The following MED12 variants were observed in gnomAD, a reference collection of about 807,000 sequenced individuals.
MED12 encodes mediator complex subunit 12, also known as mediator of RNA polymerase II transcription subunit 12.
MED12 carries 10 observed loss-of-function variants against 177.7 expected under a neutral mutation model. The ratio of observed to expected loss-of-function variants is 0.06; its 90% CI spans 0.03 to 0.10. The LOEUF is 0.10. Ranked by LOEUF, MED12 falls within the 10% of genes least tolerant of loss-of-function variation. The pLI, the probability that MED12 is intolerant of heterozygous loss-of-function variation, is 1.00. For synonymous variants in MED12, 641 were observed against 678.4 expected, an observed-to-expected ratio of 0.94 and a Z score of 0.86; for missense variants, 867 against 1,780.8, an observed-to-expected ratio of 0.49 and a Z score of 9.23.
intron 31 of MED12, 115 bp downstream of exon 31, chrX:71,132,653 G>T: frequency 4.1e-6 from 4 of 973,093 alleles, no homozygotes; most frequent in Non-Finnish European, 5.7e-6. Flanking sequence ...AAAATCAGAG[G>T]ATAAGAGTGG....
chrX:71,131,125 C>CTTTTTT (rs754896365), intron 28 of MED12, among the ~76,000 whole-genome samples: 34 of 80,242 alleles, frequency 4.2e-4, no homozygotes, highest in African/African-American at 1.5e-3. Context: ...TAAATGTAGT[C>CTTTTTT]TTTTTTTTTT....
chrX:71,122,969 T>C lies in MED12; in HGVS notation c.1485+95T>C, dbSNP rs2092293448. The C allele has an allele frequency of 3.5e-6, 4 of 1,143,148 alleles. No homozygotes were observed. In the Admixed American group the frequency reaches 8.7e-5, roughly 25 times the overall value. 94.2% of individuals were successfully genotyped at this position (1,143,148 alleles called of 1,213,427 possible). On this transcript the variant is annotated intron_variant, in intron 10 of 44. Transcript: ENST00000374080. ...ATGGTGAGGCATTGAAAGCAGAGCA[T>C]ATCTGCAGAAATGATCTTACTGGGC... is the stretch of plus-strand genomic sequence containing the variant.
At chrX:71,137,981 G>C in intron 41 of MED12, 38 bp downstream of exon 41, 1 of 1,167,126 alleles carries the variant, frequency 8.6e-7, no homozygotes, top group Non-Finnish European at 1.2e-6. Flanking sequence ...GAGATGCAGA[G>C]GTATAAGGGA....
chrX:71,119,781 T>C lies in MED12; in HGVS notation c.300T>C (p.Asp100=), dbSNP rs2147773351. Residue 100 remains aspartate, a synonymous_variant, in exon 3 of 45, where the codon GAT becomes GAC. Coordinates refer to ENST00000374080, the MANE Select transcript of MED12 (RefSeq NM_005120.3). Reference sequence around the variant, plus strand: ...GGAAGCCCCAAGTGAACCAGAAGGATAACTTCTGGCTGGTGACTGCACGAT... The same window carrying C: ...GGAAGCCCCAAGTGAACCAGAAGGACAACTTCTGGCTGGTGACTGCACGAT... The part of the protein sequence containing the change: ...GRRKPQVNQK[D]NFWLVTARSQ... 8 of 1,210,365 alleles carry C rather than the reference T, an allele frequency of 6.6e-6. No homozygotes were observed. The highest frequency in any genetic ancestry group is 8.9e-6 in the Non-Finnish European group (8 of 894,401).
At chrX:71,120,615 A>AT (rs375403373) in intron 4 of MED12, among the ~76,000 whole-genome samples, 22,560 of 101,303 alleles carry the variant, frequency 0.22, 2,574 homozygotes, top group Middle Eastern at 0.46. Context: ...AAGTAGAAGG[A>AT]TTTTTTTTTT....
chrX:71,139,753 T>C lies in MED12; in HGVS notation c.6045-882T>C, dbSNP rs758620980. On this transcript the variant is annotated intron_variant, in intron 41 of 44. Transcript: ENST00000374080. ...GTCTCTACTAAAAATACAAAAATTA[T>C]CTGGGTGTGGTGGCATGTGCCTGTA... Among the ~76,000 whole-genome samples, 5 of 110,178 alleles carry C rather than the reference T, an allele frequency of 4.5e-5. No individual in the cohort carries two copies. In the South Asian group the frequency reaches 2.0e-3, roughly 43 times the overall value.
chrX:71,126,044 G>A lies in MED12; in HGVS notation c.2431G>A (p.Asp811Asn). Residue 811 changes from aspartate to asparagine, a missense_variant, in exon 18 of 45, where the codon GAT becomes AAT. By Grantham distance (23) the Asp-to-Asn change is conservative. Coordinates refer to ENST00000374080, the MANE Select transcript of MED12 (RefSeq NM_005120.3). ...TTCAACTGTCCCCTCAGGTGGGGAG[G>A]ATGGGCAGAAGCGGCGACGCAACCG... Reference protein sequence around the residue: ...PGDLTFLGGEDGQKRRRNRPE... With the variant: ...PGDLTFLGGENGQKRRRNRPE... 1 of 1,207,591 alleles carries A rather than the reference G, an allele frequency of 8.3e-7. No homozygotes were observed. Among genetic ancestry groups the A allele is most frequent in the Non-Finnish European group, 1.1e-6 (1 of 892,102 alleles).
intron 1 of MED12, among the ~76,000 whole-genome samples, chrX:71,119,133 C>T (rs1269887787): frequency 2.7e-5 from 3 of 110,309 alleles, no homozygotes; most frequent in Non-Finnish European, 3.8e-5. Flanking sequence ...GGCTGCTCGG[C>T]TGTTCGCAAG....
At chrX:71,127,228 C>G (rs2092305455) in intron 20 of MED12, 96 bp downstream of exon 20, 1 of 1,146,125 alleles carries the variant, frequency 8.7e-7, no homozygotes, top group Admixed American at 2.4e-5. Context: ...TCTGGGGAAG[C>G]ACCTGCTGCT....
At chrX:71,131,159 G>A (rs1459817896) in intron 28 of MED12, among the ~76,000 whole-genome samples, 2 of 87,786 alleles carry the variant, frequency 2.3e-5, no homozygotes, top group Admixed American at 1.6e-4. Flanking sequence ...ACGGAGTCTC[G>A]CTCTTGTCGC....
chrX:71,125,232 A>G (rs2092299833), intron 15 of MED12, 86 bp downstream of exon 15: 12 of 1,192,780 alleles, frequency 1.0e-5, no homozygotes, highest in Non-Finnish European at 1.4e-5. Flanking sequence ...AGCTGTTCTG[A>G]GGATGTGGGT....
chrX:71,133,097 G>A, intron 32 of MED12, 26 bp from the exon 33 acceptor site: 2 of 1,101,600 alleles, frequency 1.8e-6, no homozygotes, highest in Non-Finnish European at 1.3e-6. Context: ...TCCCTGAGCT[G>A]CATATTTTAT....
At chrX:71,132,303 G>C (rs1221581016) in intron 30 of MED12, 74 bp from the exon 31 acceptor site, 6 of 1,183,544 alleles carry the variant, frequency 5.1e-6, no homozygotes, top group South Asian at 1.8e-5. Flanking sequence ...ATGTCCATCA[G>C]GGAAAGGAGA....
chrX:71,129,059 A>G, intron 24 of MED12, 55 bp from the exon 25 acceptor site: 1 of 992,410 alleles, frequency 1.0e-6, no homozygotes, highest in Non-Finnish European at 1.4e-6. Flanking sequence ...CACACACATA[A>G]ACCCACATAC....
Position 71,135,261 on chromosome X carries a change from C to T in MED12, c.5025+8C>T, listed in dbSNP as rs1261763675. On this transcript the variant is annotated splice_region_variant and intron_variant, in intron 36 of 44. Coordinates refer to ENST00000374080, the MANE Select transcript of MED12 (RefSeq NM_005120.3). ...TCCATCTTCAAGAAGGAGGCATGTT[C>T]CATTGTCTGCCCGTGTCCCTTGCCT... 7.4e-6 allele frequency: 9 copies of T among 1,211,727 alleles called. No homozygotes were observed. Among genetic ancestry groups the T allele is most frequent in the Non-Finnish European group, 8.9e-6 (8 of 895,350 alleles).
chrX:71,122,457 C>A, intron 8 of MED12, 51 bp from the exon 9 acceptor site: 1 of 1,182,066 alleles, frequency 8.5e-7, no homozygotes, highest in East Asian at 3.0e-5. Flanking sequence ...GGGGCTCTGG[C>A]CTTTTATATG....
chrX:71,122,390 G>A (rs374653648), intron 8 of MED12, 44 bp downstream of exon 8: 11 of 1,203,212 alleles, frequency 9.1e-6, no homozygotes, highest in South Asian at 5.3e-5. Context: ...TGGGCTATGA[G>A]GCTAAATTAC....
chrX:71,128,492 C>T (rs2147803127), intron 23 of MED12, 52 bp downstream of exon 23: 1 of 1,209,005 alleles, frequency 8.3e-7, no homozygotes, highest in Non-Finnish European at 1.1e-6. Context: ...GGGCAGGGGG[C>T]TGGTTGTGAT....
chrX:71,142,242 C>G lies in MED12; in HGVS notation c.*24C>G. ...GAGCCACCTGGAGGAACTGCTTGTG[C>G]ACTGGATGTGGCCCCACCCTTTCCT... On this transcript the variant is annotated 3_prime_UTR_variant, in exon 45 of 45. Transcript: ENST00000374080. 8.3e-7 allele frequency: 1 copy of G among 1,204,229 alleles called. No homozygotes were observed. The highest frequency in any genetic ancestry group is 1.1e-6 in the Non-Finnish European group (1 of 888,440).
Sources: gnomAD v4.1 joint callset for allele counts (sites outside exome capture counted in the v4.1 genomes callset) on GRCh38, gnomAD v4.1.1 for gene constraint, MANE v1.5 for transcripts, NCBI Gene and HGNC (gene_info 2026-07-23, HGNC 2026-07-21) for gene names.